Variants in OR51E1 observed in about 807,000 individuals in gnomAD.
OR51E1 encodes olfactory receptor family 51 subfamily E member 1.
In OR51E1, 9 loss-of-function variants were observed where a neutral mutation model predicts 11.5. That is an observed-to-expected ratio of 0.78 (90% confidence interval 0.47 to 1.37). The LOEUF is 1.37. Ranked by LOEUF, OR51E1 falls within the 40% of genes most tolerant of loss-of-function variation. The pLI is 0.00. For missense variants in OR51E1, 397 were observed against 410.2 expected, an observed-to-expected ratio of 0.97 and a Z score of 0.28; for synonymous variants, 168 against 158.3, an observed-to-expected ratio of 1.06 and a Z score of -0.46.
In OR51E1 at chr11:4,653,750, T is replaced by A; in HGVS notation, c.*267T>A. Reference sequence around the variant, plus strand: ...TTTACCATGCAGTCCAAATCTAAACTGCTTCTACTGATGGTTTACAGCATT... The same window carrying A: ...TTTACCATGCAGTCCAAATCTAAACAGCTTCTACTGATGGTTTACAGCATT... On this transcript the variant is annotated 3_prime_UTR_variant, in exon 2 of 2. Coordinates refer to ENST00000396952, the MANE Select transcript of OR51E1 (RefSeq NM_152430.4). 2.9e-6 allele frequency: 1 copy of A among 344,550 alleles called. No homozygotes were observed. The highest frequency in any genetic ancestry group is 8.4e-4 in the Middle Eastern group (1 of 1,194). 21.3% of individuals were successfully genotyped at this position (344,550 alleles called of 1,614,324 possible).
At chr11:4,646,841 A>C (rs1314917502) in intron 1 of OR51E1, among the ~76,000 whole-genome samples, 2 of 152,262 alleles carry the variant, frequency 1.3e-5, no homozygotes, top group Non-Finnish European at 2.9e-5. Context: ...AAGGCAGCCT[A>C]GAATGAGGGA....
Position 4,652,716 on chromosome 11 carries a change from A to G in OR51E1, c.190A>G (p.Ile64Val), listed in dbSNP as rs774580224. Reference protein sequence around the residue: ...TEHSLHEPMYIFLCMLSGIDI... With the variant: ...TEHSLHEPMYVFLCMLSGIDI... ...GCACAGCCTGCATGAGCCCATGTAT[A>G]TATTTCTTTGCATGCTTTCAGGCAT... is the stretch of plus-strand genomic sequence containing the variant. Residue 64 changes from isoleucine to valine, a missense_variant, in exon 2 of 2, where the codon ATA becomes GTA. Coordinates refer to ENST00000396952, the MANE Select transcript of OR51E1 (RefSeq NM_152430.4). The G allele has an allele frequency of 6.2e-7, 1 of 1,614,138 alleles. No individual in the cohort carries two copies. Among genetic ancestry groups the G allele is most frequent in the East Asian group, 2.2e-5 (1 of 44,876 alleles).
Position 4,653,365 on chromosome 11 carries a change from A to G in OR51E1, c.839A>G (p.Asn280Ser), listed in dbSNP as rs748108982. ...TCTCCGCTGCCCGTCATCTTGGCCA[A>G]TATCTATCTGCTGGTTCCTCCTGTG... ...RDSPLPVILANIYLLVPPVLN... is the reference protein window; with the variant it reads ...RDSPLPVILASIYLLVPPVLN... The change falls in exon 2 of 2, where the codon AAT becomes AGT. Residue 280 changes from asparagine to serine, a missense_variant. Transcript: ENST00000396952. The G allele has an allele frequency of 2.0e-5, 32 of 1,613,952 alleles. No individual in the cohort carries two copies. In the East Asian group the frequency reaches 5.3e-4, roughly 27 times the overall value.
chr11:4,649,581 A>T (rs1452849847), intron 1 of OR51E1, among the ~76,000 whole-genome samples: 1 of 152,150 alleles, frequency 6.6e-6, no homozygotes, highest in South Asian at 2.1e-4. Context: ...TTTATTCTAG[A>T]ATCAATTTGG....
Position 4,652,661 on chromosome 11 carries a change from C to A in OR51E1, c.135C>A (p.Asn45Lys). ...CSLYLIAVLG[N>K]LTIIYIVRTE... is the part of the protein sequence containing the mutation. The stretch of plus-strand genomic sequence containing the variant: ...TCTACCTTATTGCTGTGCTAGGTAA[C>A]TTGACAATCATCTACATTGTGCGGA... The change falls in exon 2 of 2, where the codon AAC becomes AAA. Residue 45 changes from asparagine to lysine, a missense_variant. Physicochemically the swap from Asn to Lys is moderately conservative, Grantham distance 94. Transcript: ENST00000396952. 1 of 1,614,150 alleles carries A rather than the reference C, an allele frequency of 6.2e-7. No homozygotes were observed. Among genetic ancestry groups the A allele is most frequent in the Non-Finnish European group, 8.5e-7 (1 of 1,179,994 alleles).
intron 1 of OR51E1, among the ~76,000 whole-genome samples, chr11:4,647,791 A>C (rs1336577626): frequency 6.6e-6 from 1 of 152,340 alleles, no homozygotes; most frequent in East Asian, 1.9e-4. Flanking sequence ...ATTCACAGAA[A>C]ATCTCAGCAC....
chr11:4,649,034 C>T (rs966849508), intron 1 of OR51E1, among the ~76,000 whole-genome samples: 5 of 152,138 alleles, frequency 3.3e-5, no homozygotes, highest in African/African-American at 1.2e-4. Flanking sequence ...ATGCCCTTGG[C>T]TGTGTTACCC....
At position 4,652,592 on chromosome 11, in the gene OR51E1, T is replaced by G. The variant is rs771390161; in HGVS notation, c.66T>G (p.Gly22=). The change falls in exon 2 of 2, where the codon GGT becomes GGG. Residue 22 remains glycine (G), a synonymous_variant. Transcript: ENST00000396952. ...ATYFILIGLP[G]LEEAQFWLAF... is the part of the protein sequence containing the mutation. ...ACTTCATCCTAATAGGCCTCCCTGG[T>G]TTAGAAGAGGCTCAGTTCTGGTTGG... 1 of 1,614,156 alleles carries G rather than the reference T, an allele frequency of 6.2e-7. No individual in the cohort carries two copies.
chr11:4,652,925 G>A lies in OR51E1; in HGVS notation c.399G>A (p.Leu133=), dbSNP rs1219643187. Residue 133 remains leucine (L), a synonymous_variant, in exon 2 of 2, where the codon CTG becomes CTA. Transcript: ENST00000396952. ...FDRYVAICHP[L]RHATVLTLPR... is the part of the protein sequence containing the mutation. Reference sequence around the variant, plus strand: ...GCTATGTGGCCATCTGTCACCCACTGCGCCATGCCACAGTACTTACGTTGC... The same window carrying A: ...GCTATGTGGCCATCTGTCACCCACTACGCCATGCCACAGTACTTACGTTGC... 1 of 1,610,490 alleles carries A rather than the reference G, an allele frequency of 6.2e-7. No individual in the cohort carries two copies. The highest frequency in any genetic ancestry group is 2.2e-5 in the East Asian group (1 of 44,854).
intron 1 of OR51E1, among the ~76,000 whole-genome samples, chr11:4,650,941 C>CAAA (rs34830469): frequency 8.1e-5 from 12 of 147,644 alleles, no homozygotes; most frequent in African/African-American, 2.7e-4. Context: ...TGCAAATATT[C>CAAA]AAAAAAAAAA....
At chr11:4,650,601 G>T (rs1847082913) in intron 1 of OR51E1, among the ~76,000 whole-genome samples, 1 of 152,102 alleles carries the variant, frequency 6.6e-6, no homozygotes, top group African/African-American at 2.4e-5. Flanking sequence ...GCTTGATGCT[G>T]GTACAAAGAT....
chr11:4,650,642 T>C (rs1481140275), intron 1 of OR51E1, among the ~76,000 whole-genome samples: 1 of 152,186 alleles, frequency 6.6e-6, no homozygotes, highest in Admixed American at 6.5e-5. Flanking sequence ...ATGGGACCTC[T>C]TCTGATGCTG....
intron 1 of OR51E1, among the ~76,000 whole-genome samples, chr11:4,650,857 T>C (rs756495536): frequency 6.6e-6 from 1 of 151,956 alleles, no homozygotes; most frequent in Non-Finnish European, 1.5e-5. Context: ...AACATGATGC[T>C]CAAAGAGAAT....
At chr11:4,647,782 T>C (rs1318507786) in intron 1 of OR51E1, among the ~76,000 whole-genome samples, 2 of 152,204 alleles carry the variant, frequency 1.3e-5, no homozygotes, top group Non-Finnish European at 1.5e-5. Flanking sequence ...GTTCAACTTA[T>C]TCACAGAAAA....
intron 1 of OR51E1, among the ~76,000 whole-genome samples, chr11:4,650,218 T>C (rs1396993971): frequency 6.6e-6 from 1 of 152,124 alleles, no homozygotes; most frequent in Non-Finnish European, 1.5e-5. Context: ...GGGGATGAGA[T>C]GGCCCAGGAA....
rs532481811 is a variant in OR51E1 at position 4,654,770 on chromosome 11, G to A, written c.*1287G>A. 1 of 167,054 alleles carries A rather than the reference G, an allele frequency of 6.0e-6. No individual in the cohort carries two copies. The highest frequency in any genetic ancestry group is 2.4e-5 in the African/African-American group (1 of 41,438). The allele number at this position is 167,054 out of a possible 1,614,324, so 10.3% of individuals were successfully genotyped here. A position where few individuals can be genotyped will look rare whatever the true frequency, so the allele number is the denominator to read the frequency against. Reference sequence around the variant, plus strand: ...TTAGGCATGGGAATCAGGCATTTTTGCTTCTGAGGGGCTATTACCAAGGGT... The same window carrying A: ...TTAGGCATGGGAATCAGGCATTTTTACTTCTGAGGGGCTATTACCAAGGGT... On this transcript the variant is annotated 3_prime_UTR_variant, in exon 2 of 2. Coordinates refer to ENST00000396952, the MANE Select transcript of OR51E1 (RefSeq NM_152430.4).
At position 4,652,963 on chromosome 11, in the gene OR51E1, A is replaced by T. The variant is rs1240282873; in HGVS notation, c.437A>T (p.Lys146Ile). The T allele has an allele frequency of 6.2e-7, 1 of 1,605,840 alleles. No individual in the cohort carries two copies. The highest frequency in any genetic ancestry group is 1.7e-5 in the Admixed American group (1 of 59,678). ...ATVLTLPRVT[K>I]IGVAAVVRGA... ...GTACTTACGTTGCCTCGTGTCACCA[A>T]AATTGGTGTGGCTGCTGTGGTGCGG... The change falls in exon 2 of 2, where the codon AAA becomes ATA. Residue 146 changes from lysine (K) to isoleucine (I), a missense_variant. Transcript: ENST00000396952.
intron 1 of OR51E1, among the ~76,000 whole-genome samples, chr11:4,645,584 A>C (rs1388069168): frequency 1.3e-5 from 2 of 152,322 alleles, no homozygotes; most frequent in East Asian, 3.9e-4. Context: ...ATGATTATTG[A>C]AAAAATGAGT....
intron 1 of OR51E1, among the ~76,000 whole-genome samples, chr11:4,649,965 G>C (rs760411031): frequency 6.6e-6 from 1 of 152,140 alleles, no homozygotes; most frequent in African/African-American, 2.4e-5. Context: ...AGCTCTAGAG[G>C]TTTTAGACTG....
Sources: gnomAD v4.1 joint callset for allele counts (sites outside exome capture counted in the v4.1 genomes callset) on GRCh38, gnomAD v4.1.1 for gene constraint, MANE v1.5 for transcripts, NCBI Gene and HGNC (gene_info 2026-07-23, HGNC 2026-07-21) for gene names.